PDK1: variants seen among roughly 807,000 people sequenced by gnomAD.
PDK1 encodes the protein [Pyruvate dehydrogenase (acetyl-transferring)] kinase isozyme 1, mitochondrial.
PDK1 carries 39 observed loss-of-function variants against 54.2 expected under a neutral mutation model. That is an observed-to-expected ratio of 0.72 (90% CI 0.56 to 0.94). The LOEUF (loss-of-function observed/expected upper bound fraction) is 0.94, where lower values mean the gene tolerates loss of function less well. PDK1 is among the 40% of genes least tolerant of loss of function. PDK1 has a pLI of 0.00. For synonymous variants in PDK1, 221 were observed against 207.1 expected (o/e 1.07, Z -0.58); for missense variants, 552 against 566.0 (o/e 0.98, Z 0.25).
At chr2:172,670,403 A>G in the PDK1 span, among the ~76,000 whole-genome samples, 1 of 152,232 alleles carries the variant, frequency 6.6e-6, no homozygotes, top group Non-Finnish European at 1.5e-5. Flanking sequence ...TTGAACTTTC[A>G]GCTGAGTGAG....
At chr2:172,618,418 A>G in the PDK1 span, among the ~76,000 whole-genome samples, 1 of 152,268 alleles carries the variant, frequency 6.6e-6, no homozygotes, top group Admixed American at 6.5e-5. Context: ...AATGATGGCA[A>G]CAAGCAATAA....
chr2:172,563,624 G>A (rs749421926), intron 3 of PDK1, among the ~76,000 whole-genome samples: 1 of 152,060 alleles, frequency 6.6e-6, no homozygotes, highest in Admixed American at 6.5e-5. Context: ...GTCTGAGGTC[G>A]GGAGTTCGAG....
chr2:172,586,527 T>C, intron 9 of PDK1, 139 bp downstream of exon 9: 1 of 519,224 alleles, frequency 1.9e-6, no homozygotes, highest in East Asian at 3.2e-5. Context: ...CACTTTCCCC[T>C]AAATTTAAAC....
At chr2:172,563,648 A>G (rs1688775650) in intron 3 of PDK1, among the ~76,000 whole-genome samples, 1 of 152,206 alleles carries the variant, frequency 6.6e-6, no homozygotes, top group Non-Finnish European at 1.5e-5. Context: ...AGCCTGACCA[A>G]CATGGAGAAA....
At chr2:172,663,053 A>C in the PDK1 span, among the ~76,000 whole-genome samples, 1 of 152,226 alleles carries the variant, frequency 6.6e-6, no homozygotes, top group African/African-American at 2.4e-5. Context: ...GGTTAACAAC[A>C]CAGTATCACA....
At chr2:172,561,786 C>T (rs1688668280) in intron 2 of PDK1, among the ~76,000 whole-genome samples, 1 of 152,106 alleles carries the variant, frequency 6.6e-6, no homozygotes, top group African/African-American at 2.4e-5. Context: ...GGTTTTAAAG[C>T]ACAGATATTT....
At chr2:172,636,445 C>A in the PDK1 span, among the ~76,000 whole-genome samples, 2 of 151,952 alleles carry the variant, frequency 1.3e-5, no homozygotes, top group African/African-American at 4.8e-5. Context: ...CTCAGCCGGG[C>A]GCGATGGCTC....
In PDK1 at chr2:172,567,010, A is replaced by G. The variant is rs970391837; in HGVS notation, c.769+77A>G. 3 of 979,218 alleles carry G rather than the reference A, an allele frequency of 3.1e-6. No individual in the cohort carries two copies. In the African/African-American group the frequency reaches 4.9e-5, roughly 16 times the overall value. The allele number at this position is 979,218 out of a possible 1,614,324, so 60.7% of individuals were successfully genotyped here. The stretch of plus-strand genomic sequence containing the variant: ...AAGGGATAAGAATTTAAATGTTTTA[A>G]TGGAAGATGACTTTTTATCAACTTC... On this transcript the variant is annotated intron_variant, in intron 6 of 10. Coordinates refer to ENST00000282077, the MANE Select transcript of PDK1 (RefSeq NM_002610.5).
Position 172,601,968 on chromosome 2 carries a change from A to G in PDK1, c.*5999A>G, listed in dbSNP as rs570678612. On this transcript the variant is annotated 3_prime_UTR_variant, in exon 11 of 11. Coordinates refer to ENST00000282077, the MANE Select transcript of PDK1 (RefSeq NM_002610.5). ...TATATTTCTAGGAAAACAGTAGAAG[A>G]TCCATCTAAGATTTTGACAATTTAA... 1 of 152,346 alleles carries G rather than the reference A, an allele frequency of 6.6e-6. No homozygotes were observed. Among genetic ancestry groups the G allele is most frequent in the African/African-American group, 2.4e-5 (1 of 41,580 alleles). The allele number at this position is 152,346 out of a possible 1,614,324, so 9.4% of individuals were successfully genotyped here.
chr2:172,691,444 A>G, the PDK1 span: 1 of 137,130 alleles, frequency 7.3e-6, no homozygotes, highest in African/African-American at 2.5e-5. Flanking sequence ...AATTTACATT[A>G]GAGTTCCCGT....
the PDK1 span, among the ~76,000 whole-genome samples, chr2:172,624,781 C>T: frequency 1.3e-5 from 2 of 152,064 alleles, no homozygotes; most frequent in Non-Finnish European, 2.9e-5. Flanking sequence ...GGCGGATCAC[C>T]TGAGGTCAGG....
the PDK1 span, among the ~76,000 whole-genome samples, chr2:172,695,008 C>T: frequency 6.6e-6 from 1 of 152,074 alleles, no homozygotes; most frequent in Non-Finnish European, 1.5e-5. Flanking sequence ...GTCCCAGCTA[C>T]TTGGGAGGCT....
chr2:172,611,372 ATTGAAT>A (rs1366747520), downstream of PDK1, among the ~76,000 whole-genome samples: 2 of 152,220 alleles, frequency 1.3e-5, no homozygotes, highest in Non-Finnish European at 2.9e-5. Context: ...CACTAAATAA[ATTGAAT>A]TTGTAATTTT....
chr2:172,626,191 T>C, the PDK1 span, among the ~76,000 whole-genome samples: 1 of 152,222 alleles, frequency 6.6e-6, no homozygotes, highest in Non-Finnish European at 1.5e-5. Flanking sequence ...TGAGTGTGAT[T>C]AGTTGCTGAG....
At chr2:172,624,228 A>C in the PDK1 span, among the ~76,000 whole-genome samples, 1 of 152,118 alleles carries the variant, frequency 6.6e-6, no homozygotes, top group Non-Finnish European at 1.5e-5. Flanking sequence ...GGTTGGGGAA[A>C]GCTTATCTCC....
At chr2:172,690,097 C>T in the PDK1 span, among the ~76,000 whole-genome samples, 2 of 150,194 alleles carry the variant, frequency 1.3e-5, no homozygotes, top group African/African-American at 4.8e-5. Flanking sequence ...TTGCAATCTA[C>T]CCATCTGACA....
intron 8 of PDK1, among the ~76,000 whole-genome samples, chr2:172,584,162 A>G (rs1284254598): frequency 2.0e-5 from 3 of 152,166 alleles, no homozygotes; most frequent in African/African-American, 7.2e-5. Flanking sequence ...GTAGATGGAA[A>G]TACAAAGTAG....
At chr2:172,577,224 T>C (rs1172204324) in intron 8 of PDK1, among the ~76,000 whole-genome samples, 1 of 152,194 alleles carries the variant, frequency 6.6e-6, no homozygotes. Flanking sequence ...ACAGTTTTTG[T>C]TTAAAAGTAT....
At chr2:172,683,295 T>C in the PDK1 span, among the ~76,000 whole-genome samples, 7 of 148,370 alleles carry the variant, frequency 4.7e-5, no homozygotes, top group Middle Eastern at 3.2e-3. Context: ...TGCAGTGAGC[T>C]GAGATCGCAC....
Sources: allele counts gnomAD v4.1 joint callset (sites outside exome capture counted in the v4.1 genomes callset), GRCh38; gene constraint gnomAD v4.1.1; transcripts MANE v1.5; gene names NCBI Gene and HGNC (gene_info 2026-07-23, HGNC 2026-07-21).